MGMT: variants seen among roughly 807,000 people sequenced by gnomAD.
MGMT encodes O-6-methylguanine-DNA methyltransferase, also known as methylated-DNA--protein-cysteine methyltransferase.
In MGMT, 14 loss-of-function variants were observed where a neutral mutation model predicts 15.9. The observed-to-expected ratio is 0.88, with a 90% confidence interval of 0.58 to 1.37. MGMT has a LOEUF of 1.37. Ranked by LOEUF, MGMT falls within the 40% of genes most tolerant of loss-of-function variation. MGMT has a pLI of 0.00. For synonymous variants in MGMT, 130 were observed against 118.2 expected (o/e 1.10, Z -0.65); for missense variants, 282 against 268.1 (o/e 1.05, Z -0.36).
chr10:129,692,073 C>T (rs1275724123), intron 2 of MGMT, among the ~76,000 whole-genome samples: 1 of 152,198 alleles, frequency 6.6e-6, no homozygotes, highest in Non-Finnish European at 1.5e-5. Flanking sequence ...CCAGTGGGTG[C>T]TCAGGGGATG....
At chr10:129,692,637 G>A (rs989097) in intron 2 of MGMT, among the ~76,000 whole-genome samples, 123,865 of 152,198 alleles carry the variant, frequency 0.81, 50,834 homozygotes, top group African/African-American at 0.93. Flanking sequence ...CAAGGGCAGC[G>A]AGGAGGTCCT....
intron 1 of MGMT, among the ~76,000 whole-genome samples, chr10:129,488,414 CT>C (rs1564832277): frequency 6.6e-6 from 1 of 152,078 alleles, no homozygotes; most frequent in Admixed American, 6.6e-5. Flanking sequence ...GTTGGATTTT[CT>C]TTTTGTTATT....
intron 2 of MGMT, among the ~76,000 whole-genome samples, chr10:129,564,427 C>T: frequency 1.4e-5 from 1 of 71,026 alleles, no homozygotes; most frequent in African/African-American, 6.1e-5. Context: ...CCCCTTGCTC[C>T]TTCTCTTCCC....
chr10:129,692,232 G>A (rs1033354356), intron 2 of MGMT, among the ~76,000 whole-genome samples: 2 of 152,178 alleles, frequency 1.3e-5, no homozygotes, highest in African/African-American at 4.8e-5. Context: ...AGCGTTACAG[G>A]TGGGAGGACC....
chr10:129,553,534 A>G (rs1846181640), intron 2 of MGMT, among the ~76,000 whole-genome samples: 1 of 152,176 alleles, frequency 6.6e-6, no homozygotes, highest in Non-Finnish European at 1.5e-5. Flanking sequence ...ACGTTCAACA[A>G]AGGAATGAAT....
At chr10:129,708,742 A>G (rs1413704281) in intron 3 of MGMT, among the ~76,000 whole-genome samples, 1 of 152,246 alleles carries the variant, frequency 6.6e-6, no homozygotes, top group Non-Finnish European at 1.5e-5. Flanking sequence ...ATTTTTGTGT[A>G]TAAATGAACA....
At chr10:129,542,333 A>G (rs1676532448) in intron 2 of MGMT, among the ~76,000 whole-genome samples, 2 of 152,164 alleles carry the variant, frequency 1.3e-5, no homozygotes, top group Non-Finnish European at 2.9e-5. Context: ...GACCAGTGCC[A>G]GTCGGATGGT....
chr10:129,470,816 T>G (rs1228995363), intron 1 of MGMT, among the ~76,000 whole-genome samples: 1 of 152,166 alleles, frequency 6.6e-6, no homozygotes, highest in Non-Finnish European at 1.5e-5. Flanking sequence ...AGGCCTCGTG[T>G]CCCCTTCACC....
intron 2 of MGMT, among the ~76,000 whole-genome samples, chr10:129,565,117 G>A (rs145694358): frequency 0.033 from 4,954 of 152,340 alleles, 130 homozygotes; most frequent in South Asian, 0.065. Flanking sequence ...AGCCTGCCCG[G>A]CGGGGCCGGG....
chr10:129,701,878 A>T (rs1848103515), intron 2 of MGMT: 1 of 152,112 alleles, frequency 6.6e-6, no homozygotes, highest in Non-Finnish European at 1.5e-5. Flanking sequence ...CACGTTCTTG[A>T]TAATATCAGT....
Position 129,734,884 on chromosome 10 carries a change from A to G in MGMT, c.275-24318A>G, listed in dbSNP as rs1848542507. ...ACATTTATTGATTTGCATATATTGA[A>G]CCAGCCTTGCATCCCAGGGATGAAG... On this transcript the variant is annotated intron_variant, in intron 3 of 4. Transcript: ENST00000651593. Among the ~76,000 whole-genome samples, 4 of 152,220 alleles carry G rather than the reference A, an allele frequency of 2.6e-5. No homozygotes were observed. The South Asian group carries it at 8.3e-4, about 32-fold the overall frequency.
intron 1 of MGMT, among the ~76,000 whole-genome samples, chr10:129,470,784 A>G (rs1450526904): frequency 6.6e-6 from 1 of 152,248 alleles, no homozygotes; most frequent in South Asian, 2.1e-4. Context: ...GTGGCTCAGC[A>G]GCAGAGCAGG....
At chr10:129,682,544 C>G (rs529261573) in intron 2 of MGMT, among the ~76,000 whole-genome samples, 1 of 152,060 alleles carries the variant, frequency 6.6e-6, no homozygotes, top group Admixed American at 6.5e-5. Context: ...AGTATCCTGT[C>G]TGGGGTTTTG....
chr10:129,516,026 G>T (rs1170334939), intron 1 of MGMT, among the ~76,000 whole-genome samples: 1 of 152,222 alleles, frequency 6.6e-6, no homozygotes, highest in East Asian at 1.9e-4. Context: ...GGTGTCTACA[G>T]GTTTGGGTGT....
At position 129,702,843 on chromosome 10, in the gene MGMT, G is replaced by A. The variant is rs146521797; in HGVS notation, c.126-5052G>A. 7.0e-3 allele frequency among the ~76,000 whole-genome samples: 1,062 copies of A among 152,288 alleles called. 14 individuals carry two copies. The highest frequency in any genetic ancestry group is 0.024 in the African/African-American group (1,005 of 41,560). On this transcript the variant is annotated intron_variant, in intron 2 of 4. Transcript: ENST00000651593. ...TGGCATTTCCATGAGCGTGGGCTAC[G>A]GAGCCCGTAATTGTTAGTGTTTCAG... is the stretch of plus-strand genomic sequence containing the variant.
chr10:129,535,575 A>C (rs1188348241), intron 1 of MGMT, among the ~76,000 whole-genome samples: 1 of 151,896 alleles, frequency 6.6e-6, no homozygotes, highest in Non-Finnish European at 1.5e-5. Flanking sequence ...TCTGGTTTCA[A>C]CTCCTGAGTT....
intron 2 of MGMT, among the ~76,000 whole-genome samples, chr10:129,690,457 T>C (rs755472932): frequency 1.9e-4 from 29 of 152,182 alleles, no homozygotes; most frequent in Non-Finnish European, 4.0e-4. Flanking sequence ...CGGCGTCCAT[T>C]GCTGTGAGTA....
At chr10:129,763,917 C>T (rs1224852640) in intron 4 of MGMT, among the ~76,000 whole-genome samples, 1 of 152,220 alleles carries the variant, frequency 6.6e-6, no homozygotes, top group Non-Finnish European at 1.5e-5. Flanking sequence ...CCTCCGCCAC[C>T]TGCATGTTCC....
intron 1 of MGMT, among the ~76,000 whole-genome samples, chr10:129,534,483 G>A (rs1324736059): frequency 6.6e-6 from 1 of 152,062 alleles, no homozygotes; most frequent in Non-Finnish European, 1.5e-5. Flanking sequence ...GTTGAGGATT[G>A]AATCTTGAGA....
Sources: gnomAD v4.1 joint callset for allele counts (sites outside exome capture counted in the v4.1 genomes callset) on GRCh38, gnomAD v4.1.1 for gene constraint, MANE v1.5 for transcripts, NCBI Gene and HGNC (gene_info 2026-07-23, HGNC 2026-07-21) for gene names.